The following MAX variants were observed in gnomAD, a reference collection of about 807,000 sequenced individuals.
MAX encodes the protein protein max.
A neutral mutation model predicts 22.3 loss-of-function variants in MAX; 3 were observed. The observed-to-expected ratio is 0.13, with a 90% CI of 0.06 to 0.35. The LOEUF is 0.35. Among genes scored for constraint, MAX ranks in the 10% least tolerant of loss-of-function variants. The probability of loss-of-function intolerance (pLI) is 1.00; values close to 1 mark genes in which losing one functional copy is unlikely to be tolerated. For synonymous variants in MAX, 72 were observed against 77.7 expected, an observed-to-expected ratio of 0.93 and a Z score of 0.39; for missense variants, 119 against 209.4, an observed-to-expected ratio of 0.57 and a Z score of 2.66.
At chr14:65,038,904 T>C (rs2062278784) in intron 3 of MAX, among the ~76,000 whole-genome samples, 1 of 152,216 alleles carries the variant, frequency 6.6e-6, no homozygotes, top group Non-Finnish European at 1.5e-5. Flanking sequence ...TTTTATCTAC[T>C]CTCTTGTTCT....
Position 65,011,024 on chromosome 14 carries a change from CCCTT to C in MAX, c.172-4744_172-4741del, listed in dbSNP as rs61476822. Among the ~76,000 whole-genome samples the C allele has an allele frequency of 0.1, 15,157 of 152,206 alleles. 994 individuals carry two copies. The highest frequency in any genetic ancestry group is 0.29 in the East Asian group (1,483 of 5,158). On this transcript the variant is annotated intron_variant, in intron 3 of 3. Coordinates refer to the MAX transcript ENST00000341653. This position sits in a 1 kb window ranked among gnomAD's most constrained non-coding sequence, Gnocchi z 4.0. Reference sequence around the variant, plus strand: ...TTCCTTTCTTCATGAGATATCCCCTCCCTTTTGAGCCTCAGTAGTATGTTTTTCC... The same window carrying C: ...TTCCTTTCTTCATGAGATATCCCCTCTTGAGCCTCAGTAGTATGTTTTTCC...
At chr14:65,006,661 C>A (rs1032053117) in intron 3 of MAX, among the ~76,000 whole-genome samples, 4 of 152,236 alleles carry the variant, frequency 2.6e-5, no homozygotes, top group African/African-American at 7.2e-5. Flanking sequence ...ACTGCCTGGG[C>A]TCTGGGGACA....
At position 65,093,551 on chromosome 14, in the gene MAX, G is replaced by C; in HGVS notation, c.171+157C>G. The C allele has an allele frequency of 1.5e-6, 1 of 683,434 alleles. No individual in the cohort carries two copies. The highest frequency in any genetic ancestry group is 2.7e-6 in the Non-Finnish European group (1 of 370,302). 42.3% of individuals were successfully genotyped at this position (683,434 alleles called of 1,614,324 possible). The stretch of plus-strand genomic sequence containing the variant: ...TTAAGGATAAACTGGAGTACGTAAG[G>C]TGTGCAGTGATCCTCCAAACAGTCA... On this transcript the variant is annotated intron_variant, in intron 3 of 4. Transcript: ENST00000358664. This position sits in a 1 kb window ranked among gnomAD's most constrained non-coding sequence, Gnocchi z 4.4.
At chr14:65,101,485 G>A (rs2139962153) in intron 2 of MAX, 61 bp downstream of exon 2, 1 of 1,415,736 alleles carries the variant, frequency 7.1e-7, no homozygotes, top group Non-Finnish European at 9.9e-7. Context: ...TTTTCTCTCT[G>A]ACCCCAAAAA....
At chr14:65,099,024 TC>T (rs1197385408) in intron 2 of MAX, among the ~76,000 whole-genome samples, 1 of 152,170 alleles carries the variant, frequency 6.6e-6, no homozygotes, top group African/African-American at 2.4e-5. Flanking sequence ...TTGTTCACAG[TC>T]CACATCTTTT....
chr14:65,032,643 G>A lies in MAX; in HGVS notation c.172-26359C>T, dbSNP rs755773687. The A allele has an allele frequency of 2.5e-6, 4 of 1,613,958 alleles. No individual in the cohort carries two copies. Among genetic ancestry groups the A allele is most frequent in the South Asian group, 2.2e-5 (2 of 91,052 alleles). Reference sequence around the variant, plus strand: ...ACTGTGCTGCCTCCGTAGCCTCGCTGACCAACATCATCACTCCAGACCTCT... The same window carrying A: ...ACTGTGCTGCCTCCGTAGCCTCGCTAACCAACATCATCACTCCAGACCTCT... On this transcript the variant is annotated intron_variant, in intron 3 of 3. Coordinates refer to the MAX transcript ENST00000341653. The surrounding 1 kb of genome is among the most constrained non-coding windows in gnomAD (Gnocchi z 5.0).
intron 3 of MAX, chr14:65,006,343 T>G: frequency 6.2e-7 from 1 of 1,602,802 alleles, no homozygotes; most frequent in Non-Finnish European, 8.5e-7. Context: ...CCTTAACTGC[T>G]AAACCAAATC....
At chr14:65,025,798 AGAGT>A (rs1247314671) in intron 3 of MAX, among the ~76,000 whole-genome samples, 1 of 152,192 alleles carries the variant, frequency 6.6e-6, no homozygotes, top group Non-Finnish European at 1.5e-5. Context: ...CCTGGCCGAC[AGAGT>A]AAGACCCTCT....
chr14:65,026,490 T>TACCGCAATTAAGGTGAGCATGAGA (rs2061984078), intron 3 of MAX, among the ~76,000 whole-genome samples: 1 of 152,196 alleles, frequency 6.6e-6, no homozygotes, highest in Non-Finnish European at 1.5e-5. Flanking sequence ...CTCTTATGTT[T>TACCGCAATTAAGGTGAGCATGAGA]ACCGCAATTA....
At chr14:65,022,253 TC>T (rs1449019939) in intron 3 of MAX, 2 of 329,806 alleles carry the variant, frequency 6.1e-6, no homozygotes, top group Non-Finnish European at 1.2e-5. Context: ...GGATGACTGT[TC>T]CTATTTCCAA....
In MAX at chr14:65,030,289, CT is replaced by C. The variant is rs2062054760; in HGVS notation, c.172-24006del. Among the ~76,000 whole-genome samples the C allele has an allele frequency of 6.6e-6, 1 of 152,228 alleles. No individual in the cohort carries two copies. The highest frequency in any genetic ancestry group is 2.1e-4 in the South Asian group (1 of 4,830). ...ACATTTGGCATTGGCACTTGTGACT[CT>C]TGTGTGCTCCCAATGCCTGCTGGTG... is the stretch of plus-strand genomic sequence containing the variant. On this transcript the variant is annotated intron_variant, in intron 3 of 3. Transcript: ENST00000341653. The surrounding 1 kb of genome is among the most constrained non-coding windows in gnomAD (Gnocchi z 4.5).
In MAX at chr14:65,007,690, A is replaced by G. The variant is rs918353456; in HGVS notation, c.172-1406T>C. Among the ~76,000 whole-genome samples the G allele has an allele frequency of 1.3e-5, 2 of 152,158 alleles. No homozygotes were observed. Among genetic ancestry groups the G allele is most frequent in the African/African-American group, 4.8e-5 (2 of 41,446 alleles). On this transcript the variant is annotated intron_variant, in intron 3 of 3. Transcript: ENST00000341653. The surrounding 1 kb of genome is among the most constrained non-coding windows in gnomAD (Gnocchi z 4.9). ...TTTGTTTATTCATGTCTGCTTTCCC[A>G]TGAAAATTCATTTTTTCTTCCCTGT...
rs2062878685 is a variant in MAX, at chr14:65,062,258, C to T, written c.171+31450G>A. 1 of 152,290 alleles carries T rather than the reference C, an allele frequency of 6.6e-6. No individual in the cohort carries two copies. Among genetic ancestry groups the T allele is most frequent in the African/African-American group, 2.4e-5 (1 of 41,474 alleles). The allele number at this position is 152,290 out of a possible 1,614,324, so 9.4% of individuals were successfully genotyped here. A position where few individuals can be genotyped will look rare whatever the true frequency, so the allele number is the denominator to read the frequency against. ...AGTATTAACACTACTAAGTCTTTCA[C>T]CTTAACTTATGACTCAGGATTTATT... On this transcript the variant is annotated intron_variant, in intron 3 of 3. Coordinates refer to the MAX transcript ENST00000341653. This position sits in a 1 kb window ranked among gnomAD's most constrained non-coding sequence, Gnocchi z 4.3.
At position 65,037,883 on chromosome 14, in the gene MAX, G is replaced by A. The variant is rs191989379; in HGVS notation, c.172-31599C>T. Among the ~76,000 whole-genome samples, 1,162 of 151,170 alleles carry A rather than the reference G, an allele frequency of 7.7e-3. 28 individuals carry two copies. Among genetic ancestry groups the A allele is most frequent in the East Asian group, 0.058 (292 of 5,006 alleles). ...CAACCTCTTTCTCCCAGGTTCAAGC[G>A]ATTCTCCTGCCTCAGCCTCCCAAGT... On this transcript the variant is annotated intron_variant, in intron 3 of 3. Transcript: ENST00000341653.
At chr14:65,072,692 A>C (rs1323679424), downstream of MAX, among the ~76,000 whole-genome samples, 1 of 152,182 alleles carries the variant, frequency 6.6e-6, no homozygotes, top group Non-Finnish European at 1.5e-5. Flanking sequence ...ACTTTGAGTA[A>C]CACCACATGG....
intron 3 of MAX, among the ~76,000 whole-genome samples, chr14:65,015,263 C>T (rs2061748805): frequency 6.6e-6 from 1 of 151,944 alleles, no homozygotes; most frequent in Admixed American, 6.6e-5. Flanking sequence ...TCACTATGCC[C>T]AGCTAATTTT....
upstream of MAX, chr14:65,102,535 G>A (rs1394080903): frequency 2.1e-6 from 3 of 1,449,804 alleles, no homozygotes; most frequent in Non-Finnish European, 2.7e-6. Context: ...CGGATCAACG[G>A]CGGCACGCAC....
chr14:65,089,241 T>C (rs1162837820), intron 3 of MAX, among the ~76,000 whole-genome samples: 1 of 152,156 alleles, frequency 6.6e-6, no homozygotes, highest in African/African-American at 2.4e-5. Flanking sequence ...ATTTACTAAC[T>C]GAGAACCTAC....
rs545338165 is a variant in MAX, at chr14:65,075,674, T to C, written c.*802A>G. Reference sequence around the variant, plus strand: ...TCAAAACATCATCACTGGCCCTCAATACAAAACCTCTATGCCACCCAAAAC... The same window carrying C: ...TCAAAACATCATCACTGGCCCTCAACACAAAACCTCTATGCCACCCAAAAC... On this transcript the variant is annotated 3_prime_UTR_variant, in exon 5 of 5. Coordinates refer to ENST00000358664, the MANE Select transcript of MAX (RefSeq NM_002382.5). The surrounding 1 kb of genome is among the most constrained non-coding windows in gnomAD (Gnocchi z 4.1). 1.9e-6 allele frequency: 2 copies of C among 1,066,388 alleles called. No individual in the cohort carries two copies. The highest frequency in any genetic ancestry group is 4.5e-5 in the South Asian group (1 of 21,996). The allele number at this position is 1,066,388 out of a possible 1,614,324, so 66.1% of individuals were successfully genotyped here.
Sources: gnomAD v4.1 joint callset for allele counts (sites outside exome capture counted in the v4.1 genomes callset) on GRCh38, gnomAD v4.1.1 for gene constraint, Gnocchi (gnomAD v3.1) non-coding constraint, MANE v1.5 for transcripts, NCBI Gene and HGNC (gene_info 2026-07-23, HGNC 2026-07-21) for gene names.